TTC28: variants seen among roughly 807,000 people sequenced by gnomAD.
The protein encoded by TTC28 is tetratricopeptide repeat protein 28.
In TTC28, 61 loss-of-function variants were observed where a neutral mutation model predicts 198.0. The observed-to-expected ratio is 0.31, with a 90% CI of 0.25 to 0.38. TTC28 has a LOEUF of 0.38. Among genes scored for constraint, TTC28 ranks in the 10% least tolerant of loss-of-function variants. The pLI is 1.00. For synonymous variants in TTC28, 1,171 were observed against 1,297.8 expected, an observed-to-expected ratio of 0.90 and a Z score of 2.10; for missense variants, 2,678 against 3,164.0, an observed-to-expected ratio of 0.85 and a Z score of 3.69.
At chr22:28,408,062 GCTTT>G (rs1176724467) in intron 2 of TTC28, among the ~76,000 whole-genome samples, 1 of 152,032 alleles carries the variant, frequency 6.6e-6, no homozygotes, top group African/African-American at 2.4e-5. Flanking sequence ...TGTGCATTCA[GCTTT>G]CTGTTTTCTC....
At chr22:28,255,102 C>A (rs1341219662) in intron 5 of TTC28, among the ~76,000 whole-genome samples, 2 of 152,078 alleles carry the variant, frequency 1.3e-5, no homozygotes, top group Admixed American at 6.5e-5. Context: ...TCACCAGAAG[C>A]AAATGCAGAG....
intron 5 of TTC28, among the ~76,000 whole-genome samples, chr22:28,197,474 T>C (rs1925485787): frequency 6.6e-6 from 1 of 151,654 alleles, no homozygotes; most frequent in South Asian, 2.1e-4. Flanking sequence ...AAAAACCAGA[T>C]GGACAAAAAA....
chr22:28,046,772 T>C (rs1939881687), intron 12 of TTC28, among the ~76,000 whole-genome samples: 1 of 152,168 alleles, frequency 6.6e-6, no homozygotes, highest in African/African-American at 2.4e-5. Context: ...CAGCAATATA[T>C]ACACAGGCTA....
chr22:28,586,045 C>A (rs1481823528), intron 2 of TTC28, among the ~76,000 whole-genome samples: 1 of 151,568 alleles, frequency 6.6e-6, no homozygotes, highest in Non-Finnish European at 1.5e-5. Flanking sequence ...CTTTGGGAGG[C>A]TGAGGCGGTC....
rs73882716 is a variant in TTC28 at position 28,249,161 on chromosome 22, G to C, written c.933+47037C>G. Among the ~76,000 whole-genome samples the C allele has an allele frequency of 8.1e-3, 1,227 of 152,218 alleles. 20 individuals are homozygous for C. The highest frequency in any genetic ancestry group is 0.028 in the African/African-American group (1,168 of 41,522). On this transcript the variant is annotated intron_variant, in intron 5 of 22. Coordinates refer to ENST00000397906, the MANE Select transcript of TTC28 (RefSeq NM_001145418.2). The stretch of plus-strand genomic sequence containing the variant: ...AGAGGTCGAGAGCACAGCTTTTAGA[G>C]GAAGACAAGCCAGTGTTTCAAATCC...
In TTC28 at chr22:28,036,487, C is replaced by T. The variant is rs145186470; in HGVS notation, c.3933-6121G>A. On this transcript the variant is annotated intron_variant, in intron 12 of 22. Coordinates refer to ENST00000397906, the MANE Select transcript of TTC28 (RefSeq NM_001145418.2). ...GAAACCAATGAGAACAAAGACACAACATACCATAATCTCTGGGACACATTT... is the reference window on the plus strand; with the variant it reads ...GAAACCAATGAGAACAAAGACACAATATACCATAATCTCTGGGACACATTT... Among the ~76,000 whole-genome samples the T allele has an allele frequency of 9.3e-3, 1,410 of 152,282 alleles. 24 individuals are homozygous for T. The highest frequency in any genetic ancestry group is 0.032 in the African/African-American group (1,311 of 41,546).
chr22:28,567,900 G>A lies in TTC28; in HGVS notation c.381+61652C>T, dbSNP rs544082908. Among the ~76,000 whole-genome samples the A allele has an allele frequency of 4.6e-5, 7 of 152,160 alleles. No homozygotes were observed. The South Asian group carries it at 1.0e-3, about 23-fold the overall frequency. Reference sequence around the variant, plus strand: ...CTAATTAAACCCAATCAGAAAAGGTGTCATCAAGAAGACATTTACAAAATA... The same window carrying A: ...CTAATTAAACCCAATCAGAAAAGGTATCATCAAGAAGACATTTACAAAATA... On this transcript the variant is annotated intron_variant, in intron 2 of 22. Coordinates refer to ENST00000397906, the MANE Select transcript of TTC28 (RefSeq NM_001145418.2).
Position 28,536,217 on chromosome 22 carries a change from A to T in TTC28, c.381+93335T>A, listed in dbSNP as rs867416751. Among the ~76,000 whole-genome samples the T allele has an allele frequency of 8.5e-3, 1,273 of 149,274 alleles. 31 individuals are homozygous for T. The highest frequency in any genetic ancestry group is 0.029 in the African/African-American group (1,168 of 40,518). The stretch of plus-strand genomic sequence containing the variant: ...CCGTCTCAAAAAAAAAAAAAAAAAA[A>T]AAACATAAAAATAATAAATTATCCC... On this transcript the variant is annotated intron_variant, in intron 2 of 22. Coordinates refer to ENST00000397906, the MANE Select transcript of TTC28 (RefSeq NM_001145418.2).
intron 1 of TTC28, among the ~76,000 whole-genome samples, chr22:28,644,656 C>T (rs182420131): frequency 8.4e-4 from 128 of 152,104 alleles, no homozygotes; most frequent in Non-Finnish European, 1.6e-3. Flanking sequence ...GAAACCCCAT[C>T]TCTACTAAAA....
chr22:28,046,516 T>C (rs553665218), intron 12 of TTC28, among the ~76,000 whole-genome samples: 1 of 152,238 alleles, frequency 6.6e-6, no homozygotes, highest in East Asian at 1.9e-4. Context: ...CCATTGTGTA[T>C]GACATTGTTG....
At chr22:28,533,379 C>T (rs113711156) in intron 2 of TTC28, among the ~76,000 whole-genome samples, 3,022 of 152,232 alleles carry the variant, frequency 0.02, 29 homozygotes, top group Non-Finnish European at 0.027. Context: ...TCAAGGAGAA[C>T]TACAAATGAC....
intron 17 of TTC28, 127 bp downstream of exon 17, chr22:27,996,008 C>T: frequency 7.2e-7 from 1 of 1,396,558 alleles, no homozygotes. Context: ...CAGTGCCATC[C>T]TGGACACGGC....
At chr22:28,349,593 C>T (rs1432158634) in intron 2 of TTC28, among the ~76,000 whole-genome samples, 2 of 152,196 alleles carry the variant, frequency 1.3e-5, no homozygotes, top group African/African-American at 4.8e-5. Flanking sequence ...AGTTTCTATA[C>T]CTTACTGTGA....
chr22:28,136,714 A>G (rs1325863477), intron 6 of TTC28, among the ~76,000 whole-genome samples: 1 of 152,156 alleles, frequency 6.6e-6, no homozygotes, highest in Non-Finnish European at 1.5e-5. Flanking sequence ...TCCAGTCTCA[A>G]AGGTTTACAT....
chr22:28,199,994 A>T (rs1202679146), intron 5 of TTC28, among the ~76,000 whole-genome samples: 1 of 152,164 alleles, frequency 6.6e-6, no homozygotes, highest in Non-Finnish European at 1.5e-5. Flanking sequence ...TTGAGCCATG[A>T]AACTATAGGT....
At chr22:28,490,061 G>GT (rs1481233440) in intron 2 of TTC28, among the ~76,000 whole-genome samples, 1 of 152,092 alleles carries the variant, frequency 6.6e-6, no homozygotes, top group South Asian at 2.1e-4. Context: ...GTCTTTTCAC[G>GT]TTTTTCTGCC....
intron 5 of TTC28, among the ~76,000 whole-genome samples, chr22:28,242,843 C>T (rs891866467): frequency 6.6e-6 from 1 of 151,784 alleles, no homozygotes; most frequent in African/African-American, 2.4e-5. Flanking sequence ...TTTTAGATGA[C>T]ACGTTAAAAT....
intron 2 of TTC28, among the ~76,000 whole-genome samples, chr22:28,374,838 T>C (rs1208720313): frequency 2.6e-5 from 4 of 151,760 alleles, no homozygotes; most frequent in East Asian, 1.9e-4. Context: ...CCCACCACCA[T>C]GCTCAGCTAA....
At chr22:28,633,909 T>C (rs748936447) in intron 1 of TTC28, among the ~76,000 whole-genome samples, 4 of 152,074 alleles carry the variant, frequency 2.6e-5, no homozygotes, top group Admixed American at 6.5e-5. Context: ...AAATCACCTT[T>C]ATAGTGAAGG....
Sources: allele counts gnomAD v4.1 joint callset (sites outside exome capture counted in the v4.1 genomes callset), GRCh38; gene constraint gnomAD v4.1.1; transcripts MANE v1.5; gene names NCBI Gene and HGNC (gene_info 2026-07-23, HGNC 2026-07-21).